Variants in JADE1 observed in about 807,000 individuals in gnomAD.
The protein encoded by JADE1 is protein Jade-1.
Under a neutral mutation model 81.8 loss-of-function variants are expected in JADE1, and 14 were observed. The observed-to-expected ratio is 0.17, with a 90% CI of 0.11 to 0.27. The LOEUF is 0.27. Among genes scored for constraint, JADE1 ranks in the 10% least tolerant of loss-of-function variants. JADE1 has a pLI of 1.00. For synonymous variants in JADE1, 353 were observed against 391.9 expected, an observed-to-expected ratio of 0.90 and a Z score of 1.17; for missense variants, 690 against 1,047.9, an observed-to-expected ratio of 0.66 and a Z score of 4.71.
intron 6 of JADE1, 60 bp downstream of exon 6, chr4:128,852,328 G>T (rs1176027120): frequency 6.2e-5 from 85 of 1,377,772 alleles, no homozygotes; most frequent in Non-Finnish European, 8.7e-5. Context: ...TCTGCTGTGG[G>T]AGTGTATGCC....
chr4:128,866,830 C>G (rs775174688), intron 9 of JADE1, among the ~76,000 whole-genome samples: 15 of 152,258 alleles, frequency 9.9e-5, no homozygotes, highest in Non-Finnish European at 1.9e-4. Context: ...TCCACATATT[C>G]CTGAAGAAGG....
chr4:128,858,603 A>T (rs936129376), intron 8 of JADE1, among the ~76,000 whole-genome samples: 2 of 137,256 alleles, frequency 1.5e-5, no homozygotes, highest in African/African-American at 2.6e-5. Flanking sequence ...TGGTTTTAAA[A>T]TTTTTTTTTT....
At position 128,846,434 on chromosome 4, in the gene JADE1, G is replaced by A. The variant is rs200609664; in HGVS notation, c.198G>A (p.Pro66=). 2.0e-5 allele frequency: 33 copies of A among 1,614,108 alleles called. No homozygotes were observed. Among genetic ancestry groups the A allele is most frequent in the African/African-American group, 1.6e-4 (12 of 75,026 alleles). The part of the protein sequence containing the change: ...MKLHDSYQLN[P]DEYYVLADPW... ...TGCATGACTCCTACCAGCTGAATCC[G>A]GATGAGTACTATGTGTTGGCAGATC... is the stretch of plus-strand genomic sequence containing the variant. Residue 66 remains proline, a synonymous_variant, in exon 4 of 11, where the codon CCG becomes CCA. Transcript: ENST00000226319. This position sits in a 1 kb window ranked among gnomAD's most constrained non-coding sequence, Gnocchi z 4.0.
chr4:128,813,220 G>C (rs1372146718), intron 1 of JADE1, among the ~76,000 whole-genome samples: 1 of 152,146 alleles, frequency 6.6e-6, no homozygotes, highest in Non-Finnish European at 1.5e-5. Flanking sequence ...GAGAAAGGAA[G>C]CATTCAATAT....
chr4:128,818,540 A>G (rs1267374444), intron 1 of JADE1, among the ~76,000 whole-genome samples: 1 of 152,188 alleles, frequency 6.6e-6, no homozygotes, highest in African/African-American at 2.4e-5. Context: ...ATGGTGGTTT[A>G]TAAACATCAT....
At chr4:128,812,932 A>G (rs1726612406) in intron 1 of JADE1, among the ~76,000 whole-genome samples, 1 of 152,244 alleles carries the variant, frequency 6.6e-6, no homozygotes, top group Non-Finnish European at 1.5e-5. Flanking sequence ...TGAGGTTTCC[A>G]TTAATGGGAA....
chr4:128,872,366 C>A lies in JADE1; in HGVS notation c.*104C>A. The A allele has an allele frequency of 1.1e-6, 1 of 931,254 alleles. No homozygotes were observed. The highest frequency in any genetic ancestry group is 1.6e-6 in the Non-Finnish European group (1 of 616,190). The allele number at this position is 931,254 out of a possible 1,614,324, so 57.7% of individuals were successfully genotyped here. A position where few individuals can be genotyped will look rare whatever the true frequency, so the allele number is the denominator to read the frequency against. On this transcript the variant is annotated 3_prime_UTR_variant, in exon 11 of 11. Coordinates refer to ENST00000226319, the MANE Select transcript of JADE1 (RefSeq NM_199320.4). ...AGAAACCCATTAATCCTGAGCTACA[C>A]AAACACATTTACTTGCAATTCAGAT...
intron 6 of JADE1, among the ~76,000 whole-genome samples, chr4:128,853,924 A>G (rs1730580125): frequency 1.3e-5 from 2 of 152,146 alleles, no homozygotes; most frequent in Non-Finnish European, 2.9e-5. Flanking sequence ...TCTGGATCTC[A>G]CACTGTCTGG....
intron 1 of JADE1, among the ~76,000 whole-genome samples, chr4:128,820,516 C>T (rs547993137): frequency 7.6e-4 from 115 of 152,252 alleles, no homozygotes; most frequent in African/African-American, 2.7e-3. Flanking sequence ...GCTTTCTAGA[C>T]CTTGCTTCTA....
chr4:128,871,486 A>G lies in JADE1; in HGVS notation c.1753A>G (p.Thr585Ala). 6.2e-7 allele frequency: 1 copy of G among 1,614,166 alleles called. No homozygotes were observed. Among genetic ancestry groups the G allele is most frequent in the Non-Finnish European group, 8.5e-7 (1 of 1,180,032 alleles). Residue 585 changes from threonine to alanine, a missense_variant, in exon 11 of 11, where the codon ACT becomes GCT. Transcript: ENST00000226319. This position sits in a 1 kb window ranked among gnomAD's most constrained non-coding sequence, Gnocchi z 4.1. ...HSAFFRKQMG[T>A]SLVHSLKKPH... ...TGCATTCTTCAGAAAACAAATGGGT[A>G]CTTCCTTGGTTCATTCGCTGAAAAA...
In JADE1 at chr4:128,812,682, A is replaced by G. The variant is rs530745320; in HGVS notation, c.-27+2805A>G. Among the ~76,000 whole-genome samples, 97 of 152,248 alleles carry G rather than the reference A, an allele frequency of 6.4e-4. 1 individual carries two copies. Among genetic ancestry groups the G allele is most frequent in the South Asian group, 1.9e-3 (9 of 4,836 alleles). On this transcript the variant is annotated intron_variant, in intron 1 of 10. Transcript: ENST00000226319. ...CTGAGAGCAAACAAAAAAGCGGGCGATTTAAACATGCCTTCGAAACCCGTT... is the reference window on the plus strand; with the variant it reads ...CTGAGAGCAAACAAAAAAGCGGGCGGTTTAAACATGCCTTCGAAACCCGTT...
chr4:128,848,745 C>T (rs1445215392), intron 4 of JADE1, among the ~76,000 whole-genome samples: 1 of 152,148 alleles, frequency 6.6e-6, no homozygotes, highest in Non-Finnish European at 1.5e-5. Context: ...CAGCAGGGTC[C>T]CGGGAAGCAG....
chr4:128,855,745 C>T lies in JADE1; in HGVS notation c.812C>T (p.Thr271Ile). 1 of 1,614,094 alleles carries T rather than the reference C, an allele frequency of 6.2e-7. No homozygotes were observed. Among genetic ancestry groups the T allele is most frequent in the South Asian group, 1.1e-5 (1 of 91,080 alleles). The change falls in exon 7 of 11, where the codon ACC (threonine) becomes ATC (isoleucine). Residue 271 changes from threonine to isoleucine, a missense_variant. By Grantham distance (89) the Thr-to-Ile change is moderately conservative. Coordinates refer to ENST00000226319, the MANE Select transcript of JADE1 (RefSeq NM_199320.4). ...AAGAAGGGTGGAGCTATGAAGCCCA[C>T]CCGTAGCGGAACCAAGTGGGTCCAC... is the stretch of plus-strand genomic sequence containing the variant. ...CPKKGGAMKP[T>I]RSGTKWVHVS...
At chr4:128,851,424 A>G (rs543702143) in intron 5 of JADE1, among the ~76,000 whole-genome samples, 1 of 152,284 alleles carries the variant, frequency 6.6e-6, no homozygotes, top group East Asian at 1.9e-4. Flanking sequence ...CTTACGTGTT[A>G]GTTGTTATGT....
chr4:128,873,282 A>G lies in JADE1; in HGVS notation c.*1020A>G, dbSNP rs1732338517. 1 of 145,572 alleles carries G rather than the reference A, an allele frequency of 6.9e-6. No homozygotes were observed. Among genetic ancestry groups the G allele is most frequent in the Non-Finnish European group, 1.5e-5 (1 of 65,338 alleles). 9.0% of individuals were successfully genotyped at this position (145,572 alleles called of 1,614,324 possible). A position where few individuals can be genotyped will look rare whatever the true frequency, so the allele number is the denominator to read the frequency against. On this transcript the variant is annotated 3_prime_UTR_variant, in exon 11 of 11. Coordinates refer to ENST00000226319, the MANE Select transcript of JADE1 (RefSeq NM_199320.4). ...AAAAAAAAAAAAAAAAGAAAAAAAG[A>G]AAAAAAAAAGAAAAAAGAAAAAAAG...
intron 2 of JADE1, among the ~76,000 whole-genome samples, chr4:128,841,737 A>G (rs1470902555): frequency 6.6e-6 from 1 of 152,164 alleles, no homozygotes; most frequent in Non-Finnish European, 1.5e-5. Context: ...AAGACTGTGG[A>G]CATGGGTGAG....
chr4:128,830,848 C>G (rs1460946110), intron 1 of JADE1, among the ~76,000 whole-genome samples: 1 of 152,232 alleles, frequency 6.6e-6, no homozygotes, highest in Non-Finnish European at 1.5e-5. Flanking sequence ...TCACTGCCTT[C>G]TTACCTAAAT....
chr4:128,865,958 T>C (rs1450290184), intron 9 of JADE1, among the ~76,000 whole-genome samples: 2 of 152,242 alleles, frequency 1.3e-5, no homozygotes, highest in East Asian at 3.9e-4. Context: ...CCATTTTTTA[T>C]TTCCAGGAGT....
At position 128,860,881 on chromosome 4, in the gene JADE1, C is replaced by T. The variant is rs1460564897; in HGVS notation, c.982-823C>T. ...TTCAGTGGCCAGGATCGGCGTGCAC[C>T]GATCTCAGGGCTCAGAGCCCTCCAT... is the stretch of plus-strand genomic sequence containing the variant. On this transcript the variant is annotated intron_variant, in intron 8 of 10. Coordinates refer to ENST00000226319, the MANE Select transcript of JADE1 (RefSeq NM_199320.4). Among the ~76,000 whole-genome samples the T allele has an allele frequency of 2.0e-5, 3 of 152,174 alleles. No individual in the cohort carries two copies. The East Asian group carries it at 5.8e-4, about 29-fold the overall frequency.
Sources: gnomAD v4.1 joint callset for allele counts (sites outside exome capture counted in the v4.1 genomes callset) on GRCh38, gnomAD v4.1.1 for gene constraint, Gnocchi (gnomAD v3.1) non-coding constraint, MANE v1.5 for transcripts, NCBI Gene and HGNC (gene_info 2026-07-23, HGNC 2026-07-21) for gene names.